The following FSHR variants were observed in gnomAD, a reference collection of about 807,000 sequenced individuals.
The protein encoded by FSHR is follicle-stimulating hormone receptor.
FSHR carries 46 observed loss-of-function variants against 52.1 expected under a neutral mutation model. The observed-to-expected ratio is 0.88, with a 90% CI of 0.70 to 1.13. The LOEUF is 1.13. Ranked by LOEUF, FSHR falls within the 50% of genes most tolerant of loss-of-function variation. The pLI, the probability that FSHR is intolerant of heterozygous loss-of-function variation, is 0.00. For synonymous variants in FSHR, 399 were observed against 309.6 expected (o/e 1.29, Z -3.03); for missense variants, 964 against 834.6 (o/e 1.16, Z -1.91).
chr2:49,045,759 A>T (rs528670870), intron 2 of FSHR, among the ~76,000 whole-genome samples: 2 of 152,304 alleles, frequency 1.3e-5, no homozygotes, highest in East Asian at 1.9e-4. Context: ...CTTCTAAAAC[A>T]TCCTTTTTTT....
intron 1 of FSHR, among the ~76,000 whole-genome samples, chr2:49,092,241 A>G (rs1670639952): frequency 6.6e-6 from 1 of 152,206 alleles, no homozygotes; most frequent in Non-Finnish European, 1.5e-5. Context: ...TGTTAAACTC[A>G]CTTTGTAGTT....
At chr2:49,031,843 AAT>A (rs1668112665) in intron 2 of FSHR, among the ~76,000 whole-genome samples, 1 of 152,236 alleles carries the variant, frequency 6.6e-6, no homozygotes, top group Non-Finnish European at 1.5e-5. Context: ...TTCTTTATGA[AAT>A]AGTTACATGT....
intron 2 of FSHR, among the ~76,000 whole-genome samples, chr2:49,022,989 C>T (rs1288932890): frequency 6.6e-6 from 1 of 152,134 alleles, no homozygotes; most frequent in African/African-American, 2.4e-5. Context: ...AGCCCAGGTG[C>T]TGGTCATACT....
At chr2:49,141,480 A>G (rs1672685900) in intron 1 of FSHR, among the ~76,000 whole-genome samples, 1 of 151,972 alleles carries the variant, frequency 6.6e-6, no homozygotes, top group Non-Finnish European at 1.5e-5. Flanking sequence ...ACACTTTACA[A>G]CAACAGGAGT....
chr2:49,050,391 T>A lies in FSHR; in HGVS notation c.224+17828A>T, dbSNP rs570259881. ...ACTCTGTGACTATAGGAGTAGAGAA[T>A]CACTCTAGGTTCTGGTTTGTGGCAG... On this transcript the variant is annotated intron_variant, in intron 2 of 9. Transcript: ENST00000406846. 1.1e-4 allele frequency among the ~76,000 whole-genome samples: 17 copies of A among 152,298 alleles called. 1 individual carries two copies. Among genetic ancestry groups the A allele is most frequent in the Admixed American group, 4.6e-4 (7 of 15,292 alleles).
intron 1 of FSHR, among the ~76,000 whole-genome samples, chr2:49,087,426 C>T (rs575455568): frequency 1.1e-4 from 17 of 152,142 alleles, no homozygotes; most frequent in Non-Finnish European, 1.8e-4. Flanking sequence ...TTCACTTGTT[C>T]TTTTGACAAA....
At chr2:49,109,394 T>G (rs1192374387) in intron 1 of FSHR, among the ~76,000 whole-genome samples, 1 of 152,060 alleles carries the variant, frequency 6.6e-6, no homozygotes, top group Non-Finnish European at 1.5e-5. Context: ...TTTATCTGGG[T>G]TGGGGAGAGA....
Position 48,998,080 on chromosome 2 carries a change from G to A in FSHR, c.375-7443C>T, listed in dbSNP as rs1163405591. ...TACTATCACTTAGAGGTTTGTTGAA[G>A]TCAAGGAAAACTACTACCTAGAGTT... On this transcript the variant is annotated intron_variant, in intron 4 of 9. Transcript: ENST00000406846. Among the ~76,000 whole-genome samples, 4 of 152,074 alleles carry A rather than the reference G, an allele frequency of 2.6e-5. No individual in the cohort carries two copies. The East Asian group carries it at 7.7e-4, about 29-fold the overall frequency.
chr2:49,098,612 CT>C (rs952598461), intron 1 of FSHR, among the ~76,000 whole-genome samples: 2 of 151,324 alleles, frequency 1.3e-5, no homozygotes, highest in Non-Finnish European at 2.9e-5. Context: ...TTTGATCTTG[CT>C]ACTTGAATGG....
chr2:49,151,695 C>G (rs1036448845), intron 1 of FSHR, among the ~76,000 whole-genome samples: 11 of 152,068 alleles, frequency 7.2e-5, no homozygotes, highest in African/African-American at 2.7e-4. Flanking sequence ...ATCCATCCAC[C>G]TACACCTCAT....
intron 2 of FSHR, among the ~76,000 whole-genome samples, chr2:49,067,450 T>C (rs1486192084): frequency 2.0e-5 from 3 of 152,148 alleles, no homozygotes; most frequent in East Asian, 3.8e-4. Flanking sequence ...CTTCTGTATA[T>C]ACTCTGTCTA....
At chr2:49,117,660 G>T (rs1483335231) in intron 1 of FSHR, among the ~76,000 whole-genome samples, 1 of 152,170 alleles carries the variant, frequency 6.6e-6, no homozygotes, top group African/African-American at 2.4e-5. Context: ...CAGTAACTGT[G>T]TACCAATAAG....
chr2:49,069,229 C>T (rs1389906937), intron 1 of FSHR, among the ~76,000 whole-genome samples: 3 of 152,094 alleles, frequency 2.0e-5, no homozygotes, highest in Admixed American at 6.6e-5. Context: ...TCATCCTGGT[C>T]TTGCCGTGGT....
chr2:49,024,647 G>A (rs1268103201), intron 2 of FSHR, among the ~76,000 whole-genome samples: 1 of 152,124 alleles, frequency 6.6e-6, no homozygotes. Context: ...CTTTCTGATA[G>A]AGGAGATAAA....
At chr2:49,065,143 A>G (rs1328402844) in intron 2 of FSHR, among the ~76,000 whole-genome samples, 1 of 152,154 alleles carries the variant, frequency 6.6e-6, no homozygotes, top group Admixed American at 6.6e-5. Context: ...ACCTGGTGAG[A>G]GTGTAAGGTA....
chr2:49,026,508 C>T (rs1016812318), intron 2 of FSHR, among the ~76,000 whole-genome samples: 1 of 152,160 alleles, frequency 6.6e-6, no homozygotes, highest in African/African-American at 2.4e-5. Flanking sequence ...GTAATTTCCC[C>T]AACAGCACAC....
intron 1 of FSHR, among the ~76,000 whole-genome samples, chr2:49,081,281 A>G (rs1048960476): frequency 6.6e-6 from 1 of 152,146 alleles, no homozygotes; most frequent in Non-Finnish European, 1.5e-5. Flanking sequence ...GGAGATGATC[A>G]ACACCAAAAT....
intron 5 of FSHR, among the ~76,000 whole-genome samples, chr2:48,989,693 C>T (rs1675685708): frequency 6.6e-6 from 1 of 152,162 alleles, no homozygotes. Flanking sequence ...TGGGCCTTCT[C>T]CTCATGTCAA....
chr2:49,030,967 A>C (rs1668080367), intron 2 of FSHR, among the ~76,000 whole-genome samples: 1 of 152,216 alleles, frequency 6.6e-6, no homozygotes, highest in South Asian at 2.1e-4. Context: ...GAAAAACGCC[A>C]TCATTCTAGG....
Sources: allele counts gnomAD v4.1 joint callset (sites outside exome capture counted in the v4.1 genomes callset), GRCh38; gene constraint gnomAD v4.1.1; transcripts MANE v1.5; gene names NCBI Gene and HGNC (gene_info 2026-07-23, HGNC 2026-07-21).